The following CD244 variants were observed in gnomAD, a reference collection of about 807,000 sequenced individuals.
CD244 encodes the protein natural killer cell receptor 2B4.
In CD244, 20 loss-of-function variants were observed where a neutral mutation model predicts 45.5. That is an observed-to-expected ratio of 0.44 (90% confidence interval 0.31 to 0.64). CD244 has a LOEUF of 0.64. CD244 is among the 30% of genes least tolerant of loss of function. CD244 has a pLI of 0.08. For synonymous variants in CD244, 185 were observed against 160.5 expected, an observed-to-expected ratio of 1.15 and a Z score of -1.15; for missense variants, 407 against 426.9, an observed-to-expected ratio of 0.95 and a Z score of 0.41.
intron 3 of CD244, among the ~76,000 whole-genome samples, chr1:160,839,510 G>A (rs1397774178): frequency 6.6e-6 from 1 of 152,210 alleles, no homozygotes; most frequent in African/African-American, 2.4e-5. Flanking sequence ...AAATGCATGT[G>A]TATTGAATAT....
intron 5 of CD244, among the ~76,000 whole-genome samples, chr1:160,838,060 C>T (rs11265494): frequency 0.022 from 3,355 of 152,334 alleles, 111 homozygotes; most frequent in African/African-American, 0.073. Context: ...TGGCTGGTCA[C>T]ACTTCCCAGC....
At chr1:160,848,431 C>A in intron 1 of CD244, 1 of 551,012 alleles carries the variant, frequency 1.8e-6, no homozygotes, top group Non-Finnish European at 3.6e-6. Context: ...TTGCAGACAG[C>A]ATGGAGCCCT....
chr1:160,842,378 G>C (rs1275443352), intron 1 of CD244, among the ~76,000 whole-genome samples: 1 of 152,088 alleles, frequency 6.6e-6, no homozygotes, highest in Non-Finnish European at 1.5e-5. Context: ...AACCTCCCTA[G>C]TAGCTGGGAG....
intron 1 of CD244, among the ~76,000 whole-genome samples, chr1:160,852,747 G>T (rs916865808): frequency 1.3e-5 from 2 of 151,838 alleles, no homozygotes; most frequent in Non-Finnish European, 2.9e-5. Context: ...TCTGGGCCAG[G>T]CATGGTGGCT....
At chr1:160,857,737 A>T (rs564438333) in intron 1 of CD244, among the ~76,000 whole-genome samples, 1 of 152,340 alleles carries the variant, frequency 6.6e-6, no homozygotes, top group South Asian at 2.1e-4. Flanking sequence ...CTTCAATAAG[A>T]GAGGTTTGTC....
At chr1:160,855,294 T>C (rs1023046290) in intron 1 of CD244, among the ~76,000 whole-genome samples, 7 of 152,152 alleles carry the variant, frequency 4.6e-5, no homozygotes, top group Non-Finnish European at 7.3e-5. Context: ...CCCAGGACAC[T>C]GAGAGTCCAG....
chr1:160,851,055 G>T (rs1420467560), intron 1 of CD244, among the ~76,000 whole-genome samples: 2 of 152,196 alleles, frequency 1.3e-5, no homozygotes, highest in African/African-American at 4.8e-5. Flanking sequence ...TAGGGGAAGG[G>T]ATACAGAGTT....
chr1:160,840,077 G>C (rs971675197), intron 3 of CD244, among the ~76,000 whole-genome samples: 1 of 150,232 alleles, frequency 6.7e-6, no homozygotes, highest in South Asian at 2.1e-4. Context: ...CTCAAGGGGG[G>C]AAGAAAATTG....
At chr1:160,857,030 A>C (rs1271810650) in intron 1 of CD244, among the ~76,000 whole-genome samples, 1 of 152,254 alleles carries the variant, frequency 6.6e-6, no homozygotes, top group Non-Finnish European at 1.5e-5. Context: ...TTAATTCAAC[A>C]ATGCATCTCA....
intron 1 of CD244, among the ~76,000 whole-genome samples, chr1:160,854,960 C>G (rs1486212791): frequency 6.6e-6 from 1 of 152,192 alleles, no homozygotes; most frequent in Non-Finnish European, 1.5e-5. Flanking sequence ...TCTTCACAGA[C>G]AGCAGGTCCC....
In CD244 at chr1:160,831,156, T is replaced by C. The variant is rs1669100557; in HGVS notation, c.*191A>G. 5 of 535,946 alleles carry C rather than the reference T, an allele frequency of 9.3e-6. No individual in the cohort carries two copies. The South Asian group carries it at 1.3e-4, about 14-fold the overall frequency. The allele number at this position is 535,946 out of a possible 1,614,324, so 33.2% of individuals were successfully genotyped here. The stretch of plus-strand genomic sequence containing the variant: ...CATGTCTGATCTGTAAATTGGAAGA[T>C]ATTATTTAACAGCCTTGCTCTTATC... On this transcript the variant is annotated 3_prime_UTR_variant, in exon 9 of 9. Coordinates refer to ENST00000368034, the MANE Select transcript of CD244 (RefSeq NM_016382.4).
chr1:160,847,034 T>C (rs1669762616), intron 1 of CD244, among the ~76,000 whole-genome samples: 1 of 150,832 alleles, frequency 6.6e-6, no homozygotes, highest in South Asian at 2.1e-4. Flanking sequence ...CACAAAAATA[T>C]CAATTAAATA....
chr1:160,836,754 AGCTTCCT>A (rs1557832289), intron 5 of CD244, among the ~76,000 whole-genome samples: 1 of 152,098 alleles, frequency 6.6e-6, no homozygotes, highest in African/African-American at 2.4e-5. Context: ...CAGGAAGCAG[AGCTTCCT>A]GCTTCCCTTT....
intron 6 of CD244, 105 bp downstream of exon 6, chr1:160,836,090 G>A (rs2101863067): frequency 1.2e-6 from 1 of 843,522 alleles, no homozygotes; most frequent in East Asian, 2.5e-5. Flanking sequence ...CTGGATTCTA[G>A]AAGCACCAAG....
chr1:160,832,524 C>T lies in CD244; in HGVS notation c.1012G>A (p.Glu338Lys), dbSNP rs116915224. The change falls in exon 8 of 9, where the codon GAA (glutamate) becomes AAA (lysine). Residue 338 changes from glutamate (E) to lysine (K), a missense_variant. Physicochemically the swap from Glu to Lys is moderately conservative, Grantham distance 56 (BLOSUM62 1). Coordinates refer to ENST00000368034, the MANE Select transcript of CD244 (RefSeq NM_016382.4). ...GAGGAGTTCCAGAATCTTACCACTT[C>T]ATAGATAGTGCTATTGAAGGAAGGG... ...HSPSFNSTIY[E>K]VIGKSQPKAQ... 876 of 1,601,122 alleles carry T rather than the reference C, an allele frequency of 5.5e-4. 9 individuals carry two copies. The East Asian group carries it at 0.018, about 33-fold the overall frequency.
chr1:160,856,463 C>T (rs1055553045), intron 1 of CD244, among the ~76,000 whole-genome samples: 4 of 152,176 alleles, frequency 2.6e-5, no homozygotes, highest in African/African-American at 9.7e-5. Context: ...GAGCTGTTTC[C>T]TCTGCTTCAA....
chr1:160,839,108 A>C (rs1571094029), intron 3 of CD244, 59 bp from the exon 4 acceptor site: 1 of 1,278,144 alleles, frequency 7.8e-7, no homozygotes, highest in Non-Finnish European at 1.1e-6. Flanking sequence ...CTTCCTTCCC[A>C]CCTGCCTGCT....
At chr1:160,840,815 G>A (rs1039834645) in intron 3 of CD244, among the ~76,000 whole-genome samples, 6 of 152,166 alleles carry the variant, frequency 3.9e-5, no homozygotes, top group African/African-American at 1.4e-4. Context: ...CCAGGCTACT[G>A]CTGCACAGTG....
chr1:160,836,147 A>G, intron 6 of CD244, 48 bp downstream of exon 6: 1 of 1,431,226 alleles, frequency 7.0e-7, no homozygotes, highest in Non-Finnish European at 9.9e-7. Context: ...GGGCATTAGG[A>G]AACCCCAGAG....
Sources: allele counts gnomAD v4.1 joint callset (sites outside exome capture counted in the v4.1 genomes callset), GRCh38; gene constraint gnomAD v4.1.1; transcripts MANE v1.5; gene names NCBI Gene and HGNC (gene_info 2026-07-23, HGNC 2026-07-21).